GCM1: variants seen among roughly 807,000 people sequenced by gnomAD.
GCM1 encodes the protein chorion-specific transcription factor GCMa.
Under a neutral mutation model 25.7 loss-of-function variants are expected in GCM1, and 2 were observed. That is an observed-to-expected ratio of 0.08 (90% CI 0.03 to 0.24). The LOEUF (loss-of-function observed/expected upper bound fraction) is 0.24, where lower values mean the gene tolerates loss of function less well. Among genes scored for constraint, GCM1 ranks in the 10% least tolerant of loss-of-function variants. GCM1 has a pLI of 1.00. For missense variants in GCM1, 395 were observed against 538.7 expected (o/e 0.73, Z 2.64); for synonymous variants, 183 against 195.7 (o/e 0.94, Z 0.54).
At chr6:53,139,484 G>A (rs193062309) in intron 2 of GCM1, among the ~76,000 whole-genome samples, 1 of 86,400 alleles carries the variant, frequency 1.2e-5, no homozygotes, top group African/African-American at 4.6e-5. Flanking sequence ...AAGATAGTAA[G>A]ACCCCCATCT....
chr6:53,128,210 C>T lies in GCM1; in HGVS notation c.1307G>A (p.Arg436Lys). Reference sequence around the variant, plus strand: ...GCACATAGTGAAAGATTTGGGTCATCTCAAAGGACACAGGTTCAGAAGCAT... The same window carrying T: ...GCACATAGTGAAAGATTTGGGTCATTTCAAAGGACACAGGTTCAGAAGCAT... ...NDMLLNLCPL[R>K] is the part of the protein sequence containing the mutation. Residue 436 changes from arginine to lysine, a missense_variant, in exon 6 of 6, where the codon AGA becomes AAA. By Grantham distance (26) the Arg-to-Lys change is conservative. Around this residue, in one of 5 missense-constraint regions of GCM1, gnomAD observed 291 missense variants for 314.6 expected, o/e 0.92. Coordinates refer to ENST00000259803, the MANE Select transcript of GCM1 (RefSeq NM_003643.4). 6.2e-7 allele frequency: 1 copy of T among 1,603,772 alleles called. No homozygotes were observed. The highest frequency in any genetic ancestry group is 8.5e-7 in the Non-Finnish European group (1 of 1,178,992).
At chr6:53,134,485 C>T (rs1352070441) in intron 2 of GCM1, among the ~76,000 whole-genome samples, 161 bp from the exon 3 acceptor site, 4 of 152,296 alleles carry the variant, frequency 2.6e-5, no homozygotes, top group Admixed American at 6.5e-5. Context: ...GTGGGATCAG[C>T]GAGCCCAGCA....
intron 2 of GCM1, among the ~76,000 whole-genome samples, chr6:53,142,454 T>C (rs906029565): frequency 7.9e-5 from 12 of 152,238 alleles, no homozygotes; most frequent in African/African-American, 2.9e-4. Flanking sequence ...AAGAAATCTG[T>C]TTATCCTTGT....
intron 1 of GCM1, among the ~76,000 whole-genome samples, chr6:53,147,041 A>G (rs565455374): frequency 2.0e-5 from 3 of 152,228 alleles, no homozygotes; most frequent in African/African-American, 7.2e-5. Flanking sequence ...CTCAAAAAAT[A>G]AATAAATGAA....
At position 53,128,855 on chromosome 6, in the gene GCM1, T is replaced by C; in HGVS notation, c.662A>G (p.His221Arg). ...GVQLPGSYSG[H>R]LIANTPQQNS... ...CTGCTGAGGAGTGTTAGCTATTAAA[T>C]GTCCACTGTAACTACCAGGCAATTG... Residue 221 changes from histidine (H) to arginine (R), a missense_variant, in exon 6 of 6, where the codon CAT becomes CGT. Physicochemically the swap from His to Arg is conservative, Grantham distance 29. Around this residue, in one of 5 missense-constraint regions of GCM1, gnomAD observed 291 missense variants for 314.6 expected, o/e 0.92. Coordinates refer to ENST00000259803, the MANE Select transcript of GCM1 (RefSeq NM_003643.4). The C allele has an allele frequency of 6.2e-7, 1 of 1,612,708 alleles. No individual in the cohort carries two copies. The highest frequency in any genetic ancestry group is 8.5e-7 in the Non-Finnish European group (1 of 1,178,676).
chr6:53,145,820 A>T (rs1312706209), intron 1 of GCM1, 52 bp from the exon 2 acceptor site: 2 of 482,680 alleles, frequency 4.1e-6, no homozygotes, highest in South Asian at 6.7e-5. Flanking sequence ...TTAAAAAAAA[A>T]CCCCAATGCT....
Position 53,134,160 on chromosome 6 carries a change from C to G in GCM1, c.240G>C (p.Val80=), listed in dbSNP as rs1019699096. The G allele has an allele frequency of 1.2e-6, 2 of 1,614,046 alleles. No homozygotes were observed. The highest frequency in any genetic ancestry group is 1.7e-6 in the Non-Finnish European group (2 of 1,180,026). The change falls in exon 3 of 6, where the codon GTG becomes GTC. Residue 80 remains valine (V), a synonymous_variant. Transcript: ENST00000259803. ...CTGCGAGACAGTCGCGGCCGCACAC[C>G]ACCACACCCAGGCAGGACTTCTTGA... The part of the protein sequence containing the change: ...RILKKSCLGV[V]VCGRDCLAEE...
At chr6:53,129,888 TA>T (rs1324283062) in intron 5 of GCM1, among the ~76,000 whole-genome samples, 1 of 152,156 alleles carries the variant, frequency 6.6e-6, no homozygotes, top group Non-Finnish European at 1.5e-5. Flanking sequence ...GTTCTTTAGT[TA>T]ATCGTTAAAA....
intron 2 of GCM1, among the ~76,000 whole-genome samples, chr6:53,143,458 C>T (rs1055106530): frequency 6.6e-6 from 1 of 152,136 alleles, no homozygotes; most frequent in African/African-American, 2.4e-5. Context: ...GGTTCTCAAA[C>T]TCACTAAAAC....
rs762137474 is a variant in GCM1, at chr6:53,130,890, T to C, written c.483A>G (p.Leu161=). 4.3e-6 allele frequency: 7 copies of C among 1,613,872 alleles called. No individual in the cohort carries two copies. The Admixed American group carries it at 1.2e-4, about 27-fold the overall frequency. Residue 161 remains leucine (L), a synonymous_variant, in exon 5 of 6, where the codon TTA becomes TTG. Coordinates refer to ENST00000259803, the MANE Select transcript of GCM1 (RefSeq NM_003643.4). ...TCATGGCTCTTCTTGCCTCAGCTTC[T>C]AACTTGGTTTCTGGTTTTGGATGAT... is the stretch of plus-strand genomic sequence containing the variant. ...EHDHPKPETK[L]EAEARRAMKK...
chr6:53,141,960 C>T (rs551177010), intron 2 of GCM1, among the ~76,000 whole-genome samples: 11 of 115,056 alleles, frequency 9.6e-5, no homozygotes, highest in East Asian at 5.7e-4. Context: ...GCTATGATTG[C>T]GCCACTGCAC....
rs1763670565 is a variant in GCM1, at chr6:53,128,138, C to T, written c.*68G>A. The T allele has an allele frequency of 8.4e-7, 1 of 1,185,936 alleles. No homozygotes were observed. The highest frequency in any genetic ancestry group is 1.5e-5 in the African/African-American group (1 of 65,328). The allele number at this position is 1,185,936 out of a possible 1,614,324, so 73.5% of individuals were successfully genotyped here. A position where few individuals can be genotyped will look rare whatever the true frequency, so the allele number is the denominator to read the frequency against. On this transcript the variant is annotated 3_prime_UTR_variant, in exon 6 of 6. Transcript: ENST00000259803. Reference sequence around the variant, plus strand: ...TGTGGTTATGTTTTAAAAATTATTTCCTAAGGAAATTCTTTCAGCCCTTCC... The same window carrying T: ...TGTGGTTATGTTTTAAAAATTATTTTCTAAGGAAATTCTTTCAGCCCTTCC...
chr6:53,143,977 A>G (rs1247396951), intron 2 of GCM1, among the ~76,000 whole-genome samples: 3 of 152,204 alleles, frequency 2.0e-5, no homozygotes, highest in Admixed American at 2.0e-4. Flanking sequence ...CAAATTCCTT[A>G]TTACCCAGAA....
At chr6:53,145,371 A>C (rs969085800) in intron 2 of GCM1, among the ~76,000 whole-genome samples, 187 bp downstream of exon 2, 7 of 152,226 alleles carry the variant, frequency 4.6e-5, no homozygotes, top group African/African-American at 1.7e-4. Flanking sequence ...GTAAGTAAAG[A>C]CACACTCAAA....
In GCM1 at chr6:53,134,163, C is replaced by A; in HGVS notation, c.237G>T (p.Val79=). ...SRILKKSCLG[V]VVCGRDCLAE... Reference sequence around the variant, plus strand: ...CGAGACAGTCGCGGCCGCACACCACCACACCCAGGCAGGACTTCTTGAGGA... The same window carrying A: ...CGAGACAGTCGCGGCCGCACACCACAACACCCAGGCAGGACTTCTTGAGGA... Residue 79 remains valine (V), a synonymous_variant, in exon 3 of 6, where the codon GTG becomes GTT. Coordinates refer to ENST00000259803, the MANE Select transcript of GCM1 (RefSeq NM_003643.4). The A allele has an allele frequency of 5.0e-6, 8 of 1,614,166 alleles. No individual in the cohort carries two copies. The highest frequency in any genetic ancestry group is 6.8e-6 in the Non-Finnish European group (8 of 1,180,026).
At chr6:53,141,470 G>A (rs1241770362) in intron 2 of GCM1, among the ~76,000 whole-genome samples, 3 of 151,592 alleles carry the variant, frequency 2.0e-5, no homozygotes, top group South Asian at 2.1e-4. Context: ...GGTGGATCAC[G>A]AGGTCGGGAG....
chr6:53,136,425 C>T (rs1478250397), intron 2 of GCM1, among the ~76,000 whole-genome samples: 1 of 152,210 alleles, frequency 6.6e-6, no homozygotes, highest in African/African-American at 2.4e-5. Flanking sequence ...CCTCTGTTTC[C>T]TGCTCTGTAA....
In GCM1 at chr6:53,128,475, C is replaced by T. The variant is rs759019503; in HGVS notation, c.1042G>A (p.Ala348Thr). The change falls in exon 6 of 6, where the codon GCC (alanine) becomes ACC (threonine). Residue 348 changes from alanine to threonine, a missense_variant. Ala to Thr is a moderately conservative substitution (Grantham distance 58). Around this residue, in one of 5 missense-constraint regions of GCM1, gnomAD observed 291 missense variants for 314.6 expected, o/e 0.92. Coordinates refer to ENST00000259803, the MANE Select transcript of GCM1 (RefSeq NM_003643.4). The stretch of plus-strand genomic sequence containing the variant: ...CATAATGGGGGACAGCCAGTTTTGG[C>T]TGCAGGTGGCTCCAATGGAAGCTGC... ...YQQLPLEPPAAKTGCPPLWPN... is the reference protein window; with the variant it reads ...YQQLPLEPPATKTGCPPLWPN... The T allele has an allele frequency of 6.2e-7, 1 of 1,614,122 alleles. No individual in the cohort carries two copies. The highest frequency in any genetic ancestry group is 2.2e-5 in the East Asian group (1 of 44,878).
intron 5 of GCM1, 85 bp downstream of exon 5, chr6:53,130,718 C>T (rs1009561254): frequency 8.6e-7 from 1 of 1,157,770 alleles, no homozygotes; most frequent in Non-Finnish European, 1.2e-6. Context: ...TTTCCTGCGT[C>T]AGCAAGGGAC....
Sources: allele counts gnomAD v4.1 joint callset (sites outside exome capture counted in the v4.1 genomes callset), GRCh38; gene constraint gnomAD v4.1.1; regional missense constraint gnomAD v4.1.1; transcripts MANE v1.5; gene names NCBI Gene and HGNC (gene_info 2026-07-23, HGNC 2026-07-21).